SPATA7: variants seen among roughly 807,000 people sequenced by gnomAD.
SPATA7 encodes the protein spermatogenesis associated 7.
A neutral mutation model predicts 51.8 loss-of-function variants in SPATA7; 43 were observed. The observed-to-expected ratio is 0.83, with a 90% CI of 0.65 to 1.07. The LOEUF is 1.07. SPATA7 is among the 50% of genes least tolerant of loss of function. SPATA7 has a pLI of 0.00. For synonymous variants in SPATA7, 230 were observed against 252.8 expected (o/e 0.91, Z 0.86); for missense variants, 683 against 701.3 (o/e 0.97, Z 0.30).
intron 3 of SPATA7, among the ~76,000 whole-genome samples, chr14:88,444,425 T>G (rs1437087112): frequency 6.6e-6 from 1 of 151,496 alleles, no homozygotes; most frequent in African/African-American, 2.4e-5. Context: ...TTTCTCCCAT[T>G]TTTTAGGTTG....
chr14:88,429,777 GTT>G (rs2076891945), intron 8 of SPATA7, among the ~76,000 whole-genome samples: 1 of 152,040 alleles, frequency 6.6e-6, no homozygotes, highest in Non-Finnish European at 1.5e-5. Context: ...ATGCTAACCA[GTT>G]TACATGCCAC....
At chr14:88,447,718 G>A (rs1426587027) in intron 3 of SPATA7, among the ~76,000 whole-genome samples, 2 of 151,856 alleles carry the variant, frequency 1.3e-5, no homozygotes, top group Non-Finnish European at 2.9e-5. Flanking sequence ...TGTCTGTAAA[G>A]GATTTTATTT....
rs56956430 is a variant in SPATA7 at position 88,393,320 on chromosome 14, T to G, written c.95-73T>G. The G allele has an allele frequency of 8.5e-3, 8,562 of 1,003,668 alleles. 490 individuals are homozygous for G. The African/African-American group carries it at 0.12, about 14-fold the overall frequency. 62.2% of individuals were successfully genotyped at this position (1,003,668 alleles called of 1,614,324 possible). A position where few individuals can be genotyped will look rare whatever the true frequency, so the allele number is the denominator to read the frequency against. On this transcript the variant is annotated intron_variant, in intron 2 of 11. Transcript: ENST00000393545. ...GAACATTTTATAAGAATGAGTTAAA[T>G]AATCAGTGCCTTGTTTATCTCATGA...
intron 5 of SPATA7, among the ~76,000 whole-genome samples, chr14:88,422,287 G>A (rs1201046772): frequency 6.6e-6 from 1 of 152,102 alleles, no homozygotes; most frequent in African/African-American, 2.4e-5. Context: ...ATATGATTGA[G>A]AGCCCCAGGG....
chr14:88,433,904 G>A (rs886484336), intron 10 of SPATA7, among the ~76,000 whole-genome samples: 2 of 151,910 alleles, frequency 1.3e-5, no homozygotes, highest in Non-Finnish European at 2.9e-5. Flanking sequence ...TTCATTATTG[G>A]TATAAAAAGG....
intron 4 of SPATA7, chr14:88,414,668 A>ATG (rs1158865941): frequency 4.9e-6 from 2 of 409,072 alleles, no homozygotes; most frequent in Non-Finnish European, 9.6e-6. Context: ...TGTCTTCTTG[A>ATG]TGTAGGTATT....
intron 3 of SPATA7, among the ~76,000 whole-genome samples, chr14:88,450,317 G>A (rs1214552952): frequency 6.6e-6 from 1 of 151,848 alleles, no homozygotes; most frequent in Non-Finnish European, 1.5e-5. Flanking sequence ...TGAGATGTGA[G>A]GTACTATTCT....
intron 4 of SPATA7, among the ~76,000 whole-genome samples, chr14:88,408,995 C>T (rs954269274): frequency 6.6e-6 from 1 of 152,160 alleles, no homozygotes; most frequent in East Asian, 1.9e-4. Context: ...TGATGTGCTG[C>T]TGGATTCGAT....
At chr14:88,402,648 A>T (rs1425437171) in intron 4 of SPATA7, among the ~76,000 whole-genome samples, 1 of 152,170 alleles carries the variant, frequency 6.6e-6, no homozygotes, top group Non-Finnish European at 1.5e-5. Flanking sequence ...TCATACAAAA[A>T]TCAGCTCAAA....
At position 88,393,398 on chromosome 14, in the gene SPATA7, T is replaced by G. The variant is rs746069115; in HGVS notation, c.100T>G (p.Cys34Gly). The change falls in exon 3 of 12, where the codon TGC becomes GGC. Residue 34 changes from cysteine (C) to glycine (G), a missense_variant. Coordinates refer to ENST00000393545, the MANE Select transcript of SPATA7 (RefSeq NM_018418.5). ...GATTATGTTTTAATTTTTAGCTTTT[T>G]GCACTGACTCCTCTTCTCTCAGACT... ...GHLSTKSNAF[C>G]TDSSSLRLST... The G allele has an allele frequency of 2.5e-6, 4 of 1,588,886 alleles. No homozygotes were observed. Among genetic ancestry groups the G allele is most frequent in the African/African-American group, 1.3e-5 (1 of 74,608 alleles).
At chr14:88,388,793 C>T (rs563330543) in intron 1 of SPATA7, among the ~76,000 whole-genome samples, 7 of 152,200 alleles carry the variant, frequency 4.6e-5, no homozygotes, top group Admixed American at 6.5e-5. Context: ...CCTAGAATTA[C>T]GGGAAAGTAC....
At position 88,385,710 on chromosome 14, in the gene SPATA7, C is replaced by G. The variant is rs2075548811; in HGVS notation, c.-109C>G. ...GCAACGGTTTCCCTGCTGCTGCAGCCCCCGTCGGCTCCTCTTTTCCAGTCC... is the reference window on the plus strand; with the variant it reads ...GCAACGGTTTCCCTGCTGCTGCAGCGCCCGTCGGCTCCTCTTTTCCAGTCC... On this transcript the variant is annotated 5_prime_UTR_variant, in exon 1 of 12. Coordinates refer to ENST00000393545, the MANE Select transcript of SPATA7 (RefSeq NM_018418.5). 2 of 1,071,402 alleles carry G rather than the reference C, an allele frequency of 1.9e-6. No homozygotes were observed. The highest frequency in any genetic ancestry group is 1.3e-5 in the South Asian group (1 of 74,992). 66.4% of individuals were successfully genotyped at this position (1,071,402 alleles called of 1,614,324 possible).
At chr14:88,420,320 C>T (rs547919444) in intron 5 of SPATA7, among the ~76,000 whole-genome samples, 1 of 152,322 alleles carries the variant, frequency 6.6e-6, no homozygotes, top group East Asian at 1.9e-4. Flanking sequence ...ATATTTATAA[C>T]ATAATCTTAT....
chr14:88,395,399 A>T (rs2075854153), intron 3 of SPATA7, among the ~76,000 whole-genome samples: 1 of 152,072 alleles, frequency 6.6e-6, no homozygotes, highest in Non-Finnish European at 1.5e-5. Flanking sequence ...ATTTTGTGAC[A>T]TGAAAATCGT....
At chr14:88,452,113 T>A (rs2077255186) in intron 3 of SPATA7, among the ~76,000 whole-genome samples, 1 of 152,186 alleles carries the variant, frequency 6.6e-6, no homozygotes, top group Admixed American at 6.5e-5. Flanking sequence ...CACAGGATGC[T>A]CCTTTGATGT....
chr14:88,419,589 C>G (rs539586533), intron 5 of SPATA7, among the ~76,000 whole-genome samples: 2 of 150,672 alleles, frequency 1.3e-5, no homozygotes, highest in South Asian at 4.2e-4. Context: ...TGCAGTGGCG[C>G]TATCTTGGCT....
chr14:88,440,771 C>T (rs1182787043), downstream of SPATA7, among the ~76,000 whole-genome samples: 1 of 151,974 alleles, frequency 6.6e-6, no homozygotes, highest in Non-Finnish European at 1.5e-5. Flanking sequence ...TCATAGAATA[C>T]AAGAATTAAA....
At chr14:88,397,851 A>G (rs1390015299) in intron 4 of SPATA7, among the ~76,000 whole-genome samples, 3 of 152,120 alleles carry the variant, frequency 2.0e-5, no homozygotes, top group Admixed American at 1.3e-4. Context: ...TGGGAGGCCG[A>G]GGCAGGCGGA....
At chr14:88,399,275 A>G (rs1298904050) in intron 4 of SPATA7, among the ~76,000 whole-genome samples, 1 of 152,078 alleles carries the variant, frequency 6.6e-6, no homozygotes, top group Admixed American at 6.6e-5. Flanking sequence ...CTACAAACAC[A>G]GTGTCTGTCT....
Sources: gnomAD v4.1 joint callset for allele counts (sites outside exome capture counted in the v4.1 genomes callset) on GRCh38, gnomAD v4.1.1 for gene constraint, MANE v1.5 for transcripts, NCBI Gene and HGNC (gene_info 2026-07-23, HGNC 2026-07-21) for gene names.